The following CCDC39 variants were observed in gnomAD, a reference collection of about 807,000 sequenced individuals.
CCDC39 encodes coiled-coil domain 39 molecular ruler complex subunit, also known as coiled-coil domain-containing protein 39.
A neutral mutation model predicts 121.0 loss-of-function variants in CCDC39; 113 were observed. That is an observed-to-expected ratio of 0.93 (90% confidence interval 0.80 to 1.09). CCDC39 has a LOEUF of 1.09. Ranked by LOEUF, CCDC39 falls within the 50% of genes least tolerant of loss-of-function variation. The pLI, the probability that CCDC39 is intolerant of heterozygous loss-of-function variation, is 0.00. For synonymous variants in CCDC39, 349 were observed against 352.2 expected (o/e 0.99, Z 0.10); for missense variants, 1,063 against 1,074.7 (o/e 0.99, Z 0.15).
chr3:180,640,204 T>A (rs1717923844), intron 13 of CCDC39, among the ~76,000 whole-genome samples: 1 of 152,070 alleles, frequency 6.6e-6, no homozygotes, highest in African/African-American at 2.4e-5. Context: ...TTTAAATATG[T>A]GCAACTTATG....
At chr3:180,663,421 G>A (rs77309285) in intron 2 of CCDC39, among the ~76,000 whole-genome samples, 5,892 of 151,924 alleles carry the variant, frequency 0.039, 394 homozygotes, top group African/African-American at 0.14. Context: ...TGGAGCAGTC[G>A]CAGCACTTTG....
At chr3:180,636,700 T>C (rs1028749648) in intron 13 of CCDC39, among the ~76,000 whole-genome samples, 2 of 152,132 alleles carry the variant, frequency 1.3e-5, no homozygotes, top group Non-Finnish European at 2.9e-5. Context: ...AGGGCTACAG[T>C]AATCAAAACA....
chr3:180,632,640 A>G (rs1717727629), intron 13 of CCDC39, among the ~76,000 whole-genome samples: 1 of 152,204 alleles, frequency 6.6e-6, no homozygotes, highest in Non-Finnish European at 1.5e-5. Context: ...AAGATTAAAA[A>G]AAACAGCAAC....
intron 1 of CCDC39, among the ~76,000 whole-genome samples, chr3:180,667,886 G>T (rs1235417155): frequency 6.6e-6 from 1 of 152,174 alleles, no homozygotes; most frequent in African/African-American, 2.4e-5. Context: ...ACACACAAAT[G>T]ATAAGAAAGC....
Position 180,619,301 on chromosome 3 carries a change from T to C in CCDC39, c.2223A>G (p.Arg741=), listed in dbSNP as rs766061108. ...EQKRAVDEKY[R]YKQRQIRELQ... is the part of the protein sequence containing the mutation. ...GTTCTCTGATTTGTCTTTGTTTGTA[T>C]CTGTATTTTTCATCAACAGCTCTTT... The change falls in exon 16 of 20, where the codon AGA becomes AGG. Residue 741 remains arginine (R), a synonymous_variant. Transcript: ENST00000476379. 3.9e-6 allele frequency: 6 copies of C among 1,547,396 alleles called. No homozygotes were observed. In the South Asian group the frequency reaches 7.2e-5, roughly 18 times the overall value.
chr3:180,644,701 TA>T (rs1475792999), intron 11 of CCDC39, among the ~76,000 whole-genome samples: 1 of 152,202 alleles, frequency 6.6e-6, no homozygotes, highest in African/African-American at 2.4e-5. Context: ...ACTTATGTAA[TA>T]AAATGTAAAT....
At chr3:180,626,845 C>CTT (rs1000896974) in intron 14 of CCDC39, among the ~76,000 whole-genome samples, 1 of 152,152 alleles carries the variant, frequency 6.6e-6, no homozygotes, top group Non-Finnish European at 1.5e-5. Flanking sequence ...CCTCTCCCAC[C>CTT]TTGGACAGGT....
At chr3:180,635,412 A>G (rs1717801563) in intron 13 of CCDC39, among the ~76,000 whole-genome samples, 1 of 152,196 alleles carries the variant, frequency 6.6e-6, no homozygotes, top group South Asian at 2.1e-4. Context: ...TCAAAAGTCC[A>G]AGTCCAAAGT....
intron 1 of CCDC39, among the ~76,000 whole-genome samples, chr3:180,664,676 C>T (rs1711828366): frequency 6.6e-6 from 1 of 151,608 alleles, no homozygotes; most frequent in Non-Finnish European, 1.5e-5. Flanking sequence ...AGATTCTACT[C>T]CATTATTAAA....
At chr3:180,639,302 G>T (rs1717900583) in intron 13 of CCDC39, among the ~76,000 whole-genome samples, 1 of 152,116 alleles carries the variant, frequency 6.6e-6, no homozygotes, top group African/African-American at 2.4e-5. Context: ...CTTTGACAGT[G>T]TCTGTGGCTG....
At chr3:180,677,235 C>T (rs1404116769) in intron 1 of CCDC39, among the ~76,000 whole-genome samples, 1 of 107,570 alleles carries the variant, frequency 9.3e-6, no homozygotes, top group African/African-American at 3.4e-5. Context: ...GTACTATGGG[C>T]CCTTCTTGCA....
At chr3:180,671,362 G>T (rs1712043514) in intron 1 of CCDC39, among the ~76,000 whole-genome samples, 1 of 152,044 alleles carries the variant, frequency 6.6e-6, no homozygotes, top group Non-Finnish European at 1.5e-5. Flanking sequence ...CTGCAAAACT[G>T]CCTCTGAGCT....
intron 6 of CCDC39, among the ~76,000 whole-genome samples, chr3:180,657,584 A>C (rs1269602549): frequency 6.6e-6 from 1 of 152,168 alleles, no homozygotes; most frequent in East Asian, 1.9e-4. Flanking sequence ...CTGTGTACTC[A>C]TGTCTTGATA....
intron 8 of CCDC39, among the ~76,000 whole-genome samples, chr3:180,651,874 A>C (rs890371244): frequency 2.0e-5 from 3 of 152,122 alleles, no homozygotes; most frequent in Non-Finnish European, 4.4e-5. Flanking sequence ...CGTCTCTAAT[A>C]AAAATACAAA....
intron 13 of CCDC39, among the ~76,000 whole-genome samples, chr3:180,638,228 C>T (rs1486316755): frequency 6.6e-6 from 1 of 152,046 alleles, no homozygotes. Flanking sequence ...ACAAACAAAG[C>T]CCAGTTTCCC....
intron 1 of CCDC39, among the ~76,000 whole-genome samples, chr3:180,672,604 C>T (rs1296663049): frequency 1.3e-5 from 2 of 152,068 alleles, no homozygotes; most frequent in Non-Finnish European, 1.5e-5. Flanking sequence ...CTCAAACAAA[C>T]AAAAAATTAA....
intron 19 of CCDC39, among the ~76,000 whole-genome samples, chr3:180,615,966 G>T (rs1257198924): frequency 6.6e-6 from 1 of 152,126 alleles, no homozygotes; most frequent in Admixed American, 6.6e-5. Context: ...CAACTTGGGG[G>T]TTCACCCCCA....
At position 180,644,119 on chromosome 3, in the gene CCDC39, C is replaced by A; in HGVS notation, c.1665+1G>T. On this transcript the variant is annotated splice_donor_variant, in intron 12 of 19. Transcript: ENST00000476379. LOFTEE classifies it high-confidence loss of function. ...TACATATGCATACAATTTTACTGCA[C>A]CTGCTTAAAACCTTTGGCTTTATCA... The A allele has an allele frequency of 1.3e-6, 2 of 1,537,846 alleles. No individual in the cohort carries two copies. The highest frequency in any genetic ancestry group is 1.8e-6 in the Non-Finnish European group (2 of 1,142,112).
intron 3 of CCDC39, among the ~76,000 whole-genome samples, chr3:180,661,217 A>AAT (rs1417390912): frequency 2.0e-5 from 3 of 152,064 alleles, no homozygotes; most frequent in Non-Finnish European, 2.9e-5. Flanking sequence ...AATATAGTAA[A>AAT]AGAGATAAAA....
Sources: allele counts gnomAD v4.1 joint callset (sites outside exome capture counted in the v4.1 genomes callset), GRCh38; gene constraint gnomAD v4.1.1; transcripts MANE v1.5; gene names NCBI Gene and HGNC (gene_info 2026-07-23, HGNC 2026-07-21).